Variants in RGS6 observed in about 807,000 individuals in gnomAD.
RGS6 encodes the protein regulator of G protein signaling 6.
A neutral mutation model predicts 78.5 loss-of-function variants in RGS6; 30 were observed. That is an observed-to-expected ratio of 0.38 (90% CI 0.29 to 0.52). The LOEUF is 0.52. RGS6 is among the 20% of genes least tolerant of loss of function. The pLI, the probability that RGS6 is intolerant of heterozygous loss-of-function variation, is 0.85. For synonymous variants in RGS6, 206 were observed against 206.0 expected, an observed-to-expected ratio of 1.00 and a Z score of 0.00; for missense variants, 495 against 609.7, an observed-to-expected ratio of 0.81 and a Z score of 1.98.
chr14:72,507,040 G>GT (rs1043553394), intron 13 of RGS6, among the ~76,000 whole-genome samples: 1 of 149,890 alleles, frequency 6.7e-6, no homozygotes, highest in African/African-American at 2.5e-5. Flanking sequence ...ATGGTGGCGG[G>GT]TGCCTGTAGT....
At chr14:72,005,377 TC>T (rs778762028) in intron 2 of RGS6, among the ~76,000 whole-genome samples, 2 of 152,134 alleles carry the variant, frequency 1.3e-5, no homozygotes, top group Non-Finnish European at 2.9e-5. Flanking sequence ...AATTTTATAT[TC>T]ATAAAGAGCA....
chr14:72,360,141 C>G (rs554915816), intron 3 of RGS6, among the ~76,000 whole-genome samples: 1 of 152,068 alleles, frequency 6.6e-6, no homozygotes, highest in East Asian at 1.9e-4. Context: ...GGAGTTATAT[C>G]AAAGAATAGG....
At chr14:72,094,101 T>C (rs566491044) in intron 2 of RGS6, among the ~76,000 whole-genome samples, 1 of 152,296 alleles carries the variant, frequency 6.6e-6, no homozygotes, top group South Asian at 2.1e-4. Context: ...GTATCATAAA[T>C]TACCTAAAGA....
chr14:72,173,966 T>C (rs2097065919), intron 2 of RGS6, among the ~76,000 whole-genome samples: 1 of 152,060 alleles, frequency 6.6e-6, no homozygotes, highest in Non-Finnish European at 1.5e-5. Flanking sequence ...CCTCTTATGC[T>C]GTGCCTGGAA....
chr14:72,515,811 C>T (rs2096935142), intron 14 of RGS6: 1 of 152,300 alleles, frequency 6.6e-6, no homozygotes, highest in South Asian at 2.1e-4. Context: ...CTGCAGAGCT[C>T]CCAGGGTCCT....
the RGS6 span, among the ~76,000 whole-genome samples, chr14:71,890,358 C>CAGACAG: frequency 0.1 from 13,922 of 133,062 alleles, 1,099 homozygotes; most frequent in African/African-American, 0.23. Flanking sequence ...GTGCATAAGA[C>CAGACAG]AGAGAGAGAG....
chr14:71,889,050 T>C, the RGS6 span, among the ~76,000 whole-genome samples: 2 of 152,150 alleles, frequency 1.3e-5, no homozygotes, highest in South Asian at 2.1e-4. Context: ...TGGCCTTCCA[T>C]TGAGAAAGAA....
At chr14:72,154,539 A>T (rs2096743552) in intron 2 of RGS6, among the ~76,000 whole-genome samples, 1 of 151,996 alleles carries the variant, frequency 6.6e-6, no homozygotes, top group Non-Finnish European at 1.5e-5. Flanking sequence ...ACAGCTGGGG[A>T]CCACTTAATC....
At chr14:72,092,525 GCACCTGC>G (rs2095300746) in intron 2 of RGS6, among the ~76,000 whole-genome samples, 1 of 151,994 alleles carries the variant, frequency 6.6e-6, no homozygotes, top group South Asian at 2.1e-4. Context: ...GGAATTACAG[GCACCTGC>G]CACCACGCCC....
chr14:72,047,222 C>G (rs993329656), intron 2 of RGS6, among the ~76,000 whole-genome samples: 1 of 152,192 alleles, frequency 6.6e-6, no homozygotes. Context: ...CTGGAATTGT[C>G]TCCTAGCTGA....
intron 17 of RGS6, among the ~76,000 whole-genome samples, chr14:72,556,648 G>GTCT (rs1372480904): frequency 6.4e-5 from 7 of 109,816 alleles, no homozygotes; most frequent in Non-Finnish European, 9.9e-5. Flanking sequence ...CACAGCCTGA[G>GTCT]TCTTTATACC....
chr14:72,102,374 C>T (rs997299798), intron 2 of RGS6, among the ~76,000 whole-genome samples: 8 of 151,916 alleles, frequency 5.3e-5, no homozygotes, highest in Non-Finnish European at 1.2e-4. Flanking sequence ...AGATTAAAAA[C>T]CTTAGAAGAA....
At chr14:72,149,302 A>G (rs978993635) in intron 2 of RGS6, among the ~76,000 whole-genome samples, 2 of 152,170 alleles carry the variant, frequency 1.3e-5, no homozygotes, top group African/African-American at 4.8e-5. Flanking sequence ...CATTCTGTTC[A>G]TTAGACATGG....
intron 2 of RGS6, among the ~76,000 whole-genome samples, chr14:72,283,965 G>T (rs2062028106): frequency 6.6e-6 from 1 of 152,176 alleles, no homozygotes; most frequent in Admixed American, 6.5e-5. Context: ...TTAGGAACTG[G>T]AGTAAAAGTG....
At chr14:72,499,204 G>A (rs1287010660) in intron 13 of RGS6, among the ~76,000 whole-genome samples, 1 of 151,872 alleles carries the variant, frequency 6.6e-6, no homozygotes, top group Non-Finnish European at 1.5e-5. Context: ...AATGAGAGGT[G>A]GGGAGAAAGC....
At chr14:72,125,671 G>A (rs2096173124) in intron 2 of RGS6, among the ~76,000 whole-genome samples, 1 of 152,146 alleles carries the variant, frequency 6.6e-6, no homozygotes, top group Non-Finnish European at 1.5e-5. Flanking sequence ...GGGGAAAGGT[G>A]ATTGGAGGTA....
chr14:72,347,975 T>C (rs1343280077), intron 2 of RGS6, among the ~76,000 whole-genome samples: 2 of 152,188 alleles, frequency 1.3e-5, no homozygotes. Flanking sequence ...TAATGGGTTG[T>C]ATAGTGTAAG....
At chr14:72,578,986 A>T in the RGS6 span, among the ~76,000 whole-genome samples, 1 of 152,134 alleles carries the variant, frequency 6.6e-6, no homozygotes, top group Admixed American at 6.5e-5. Flanking sequence ...CAAGTCTGCA[A>T]TCCTTAGGAA....
chr14:72,361,055 C>A (rs2081347606), intron 3 of RGS6, among the ~76,000 whole-genome samples: 1 of 150,196 alleles, frequency 6.7e-6, no homozygotes, highest in Non-Finnish European at 1.5e-5. Context: ...TCTCCCTAGC[C>A]ATACGGAACT....
Sources: allele counts gnomAD v4.1 joint callset (sites outside exome capture counted in the v4.1 genomes callset), GRCh38; gene constraint gnomAD v4.1.1; transcripts MANE v1.5; gene names NCBI Gene and HGNC (gene_info 2026-07-23, HGNC 2026-07-21).